Variants in VPS13B observed in about 807,000 individuals in gnomAD.
VPS13B encodes intermembrane lipid transfer protein VPS13B.
In VPS13B, 285 loss-of-function variants were observed where a neutral mutation model predicts 426.4. The ratio of observed to expected loss-of-function variants is 0.67; its 90% CI spans 0.61 to 0.74. The LOEUF is 0.74. Among genes scored for constraint, VPS13B ranks in the 30% least tolerant of loss-of-function variants. The probability of loss-of-function intolerance (pLI) is 0.00; values close to 1 mark genes in which losing one functional copy is unlikely to be tolerated. For missense variants in VPS13B, 4,537 were observed against 4,782.6 expected (o/e 0.95, Z 1.51); for synonymous variants, 1,676 against 1,676.4 (o/e 1.00, Z 0.01).
chr8:99,168,198 T>C (rs1298993734), intron 15 of VPS13B, among the ~76,000 whole-genome samples: 2 of 152,156 alleles, frequency 1.3e-5, no homozygotes, highest in African/African-American at 2.4e-5. Context: ...ATTGTAATTT[T>C]CACCTGGTTG....
intron 9 of VPS13B, 53 bp from the exon 10 acceptor site, chr8:99,134,962 A>G: frequency 6.2e-7 from 1 of 1,606,418 alleles, no homozygotes; most frequent in Non-Finnish European, 8.5e-7. Flanking sequence ...GAAAGCCTCT[A>G]ACATTTTTAT....
chr8:99,162,603 G>A (rs768529811), intron 15 of VPS13B, among the ~76,000 whole-genome samples: 82 of 152,020 alleles, frequency 5.4e-4, no homozygotes, highest in Non-Finnish European at 3.4e-4. Context: ...AGCTGCAGAC[G>A]TTTGCAGTGA....
intron 39 of VPS13B, among the ~76,000 whole-genome samples, chr8:99,721,639 A>G (rs1833139926): frequency 6.6e-6 from 1 of 152,130 alleles, no homozygotes; most frequent in Non-Finnish European, 1.5e-5. Context: ...TACTGATAGG[A>G]GTTTCTCTTA....
At chr8:99,130,130 T>G (rs1356093918) in intron 8 of VPS13B, among the ~76,000 whole-genome samples, 1 of 152,244 alleles carries the variant, frequency 6.6e-6, no homozygotes, top group African/African-American at 2.4e-5. Context: ...TTTATAATTT[T>G]AGAACATTTA....
intron 35 of VPS13B, among the ~76,000 whole-genome samples, chr8:99,681,518 T>C (rs1346778263): frequency 2.6e-5 from 4 of 152,188 alleles, no homozygotes; most frequent in African/African-American, 9.7e-5. Context: ...CAAAAAACAT[T>C]TGAAAAGTGA....
intron 17 of VPS13B, among the ~76,000 whole-genome samples, chr8:99,256,444 C>G (rs921649089): frequency 6.6e-6 from 1 of 152,110 alleles, no homozygotes; most frequent in Non-Finnish European, 1.5e-5. Flanking sequence ...TATGGTAGTT[C>G]TATGTTTAAT....
chr8:99,031,826 A>C (rs1361820813), intron 2 of VPS13B, among the ~76,000 whole-genome samples: 1 of 152,230 alleles, frequency 6.6e-6, no homozygotes, highest in African/African-American at 2.4e-5. Flanking sequence ...TACAGTGTCC[A>C]AGGGATGTAG....
chr8:99,487,450 A>T (rs1266638225), intron 25 of VPS13B, among the ~76,000 whole-genome samples: 1 of 152,166 alleles, frequency 6.6e-6, no homozygotes, highest in African/African-American at 2.4e-5. Context: ...GTGGTAAAAA[A>T]ATATACATGG....
chr8:99,544,307 C>T (rs1253441807), intron 30 of VPS13B, among the ~76,000 whole-genome samples: 1 of 151,698 alleles, frequency 6.6e-6, no homozygotes, highest in Admixed American at 6.6e-5. Context: ...ACAGCAGGGC[C>T]TGTTGTGGGG....
At chr8:99,098,793 G>C (rs1258566365) in intron 4 of VPS13B, among the ~76,000 whole-genome samples, 1 of 151,898 alleles carries the variant, frequency 6.6e-6, no homozygotes, top group Non-Finnish European at 1.5e-5. Flanking sequence ...AACTTTTATA[G>C]GTGGAAAATG....
intron 15 of VPS13B, among the ~76,000 whole-genome samples, chr8:99,168,686 T>G (rs1400398011): frequency 6.6e-6 from 1 of 151,994 alleles, no homozygotes; most frequent in East Asian, 1.9e-4. Context: ...GTGAAATATC[T>G]TAATTTTAAG....
Position 99,875,988 on chromosome 8 carries a change from A to AGAGAC in VPS13B, c.*323_*327dup, listed in dbSNP as rs1304759437. 1 of 372,520 alleles carries AGAGAC rather than the reference A, an allele frequency of 2.7e-6. No homozygotes were observed. Among genetic ancestry groups the AGAGAC allele is most frequent in the East Asian group, 6.2e-5 (1 of 16,180 alleles). The allele number at this position is 372,520 out of a possible 1,614,324, so 23.1% of individuals were successfully genotyped here. A position where few individuals can be genotyped will look rare whatever the true frequency, so the allele number is the denominator to read the frequency against. On this transcript the variant is annotated 3_prime_UTR_variant, in exon 62 of 62. Transcript: ENST00000357162. ...ACAAAAACGTGTTCCTTCCCCACTT[A>AGAGAC]GAGACAATGATTAACAGGGCCCTAT...
intron 24 of VPS13B, among the ~76,000 whole-genome samples, chr8:99,472,789 G>T (rs1819481234): frequency 6.6e-6 from 1 of 151,852 alleles, no homozygotes; most frequent in African/African-American, 2.4e-5. Flanking sequence ...TAGCTAGACT[G>T]AAATAATAGA....
At chr8:99,237,722 T>C (rs1387384261) in intron 17 of VPS13B, among the ~76,000 whole-genome samples, 1 of 151,912 alleles carries the variant, frequency 6.6e-6, no homozygotes, top group Non-Finnish European at 1.5e-5. Flanking sequence ...TCCCCAAAAT[T>C]AGAGAAATCA....
chr8:99,088,106 C>A (rs1845938735), intron 3 of VPS13B, among the ~76,000 whole-genome samples: 1 of 151,310 alleles, frequency 6.6e-6, no homozygotes, highest in Non-Finnish European at 1.5e-5. Context: ...ATTGCTTGAA[C>A]CCCCGAGGCA....
intron 33 of VPS13B, among the ~76,000 whole-genome samples, chr8:99,606,820 C>T (rs1241844299): frequency 1.3e-5 from 2 of 152,000 alleles, no homozygotes; most frequent in African/African-American, 4.8e-5. Flanking sequence ...AGGCTTCCTG[C>T]ATTATATGGC....
At chr8:99,051,302 C>T (rs559163094) in intron 3 of VPS13B, among the ~76,000 whole-genome samples, 2 of 152,196 alleles carry the variant, frequency 1.3e-5, no homozygotes, top group Non-Finnish European at 2.9e-5. Context: ...TTCCCCATTT[C>T]TGGTTTTTGT....
intron 21 of VPS13B, among the ~76,000 whole-genome samples, chr8:99,414,238 GCTTTTTT>G (rs1463360616): frequency 7.3e-6 from 1 of 136,584 alleles, no homozygotes; most frequent in East Asian, 2.4e-4. Context: ...TGCAACCCCT[GCTTTTTT>G]TTTTTTTTTG....
chr8:99,522,995 T>C (rs1822452271), intron 30 of VPS13B, among the ~76,000 whole-genome samples: 2 of 152,184 alleles, frequency 1.3e-5, no homozygotes, highest in Admixed American at 6.5e-5. Flanking sequence ...ATTATTCCTA[T>C]GATTTTGTTA....
Sources: allele counts gnomAD v4.1 joint callset (sites outside exome capture counted in the v4.1 genomes callset), GRCh38; gene constraint gnomAD v4.1.1; transcripts MANE v1.5; gene names NCBI Gene and HGNC (gene_info 2026-07-23, HGNC 2026-07-21).